SAMD8: variants seen among roughly 807,000 people sequenced by gnomAD.
The protein encoded by SAMD8 is sterile alpha motif domain containing 8.
Under a neutral mutation model 42.0 loss-of-function variants are expected in SAMD8, and 20 were observed. The ratio of observed to expected loss-of-function variants is 0.48; its 90% confidence interval spans 0.34 to 0.69. The LOEUF is 0.69. Among genes scored for constraint, SAMD8 ranks in the 30% least tolerant of loss-of-function variants. SAMD8 has a pLI of 0.01. For synonymous variants in SAMD8, 162 were observed against 173.0 expected (o/e 0.94, Z 0.50); for missense variants, 328 against 511.6 (o/e 0.64, Z 3.46).
intron 2 of SAMD8, among the ~76,000 whole-genome samples, chr10:75,159,494 TGTCA>T (rs1208725068): frequency 6.6e-6 from 1 of 152,230 alleles, no homozygotes; most frequent in East Asian, 1.9e-4. Context: ...TAGCAGATGC[TGTCA>T]GTGTTCCTTC....
At chr10:75,148,395 C>T (rs1840199026) in intron 1 of SAMD8, among the ~76,000 whole-genome samples, 1 of 135,940 alleles carries the variant, frequency 7.4e-6, no homozygotes, top group Non-Finnish European at 1.5e-5. Context: ...GCTCTGTCGC[C>T]CAGGCTGGTG....
intron 1 of SAMD8, among the ~76,000 whole-genome samples, chr10:75,100,572 T>C (rs374697948): frequency 6.6e-6 from 1 of 152,110 alleles, no homozygotes; most frequent in Non-Finnish European, 1.5e-5. Context: ...CCCAGCTGGG[T>C]GAAGCACAGG....
At chr10:75,174,850 C>T (rs1439629882) in intron 4 of SAMD8, among the ~76,000 whole-genome samples, 1 of 151,938 alleles carries the variant, frequency 6.6e-6, no homozygotes, top group Admixed American at 6.6e-5. Flanking sequence ...TTAGGTTTGG[C>T]TATTGATAAC....
intron 1 of SAMD8, among the ~76,000 whole-genome samples, chr10:75,144,789 T>G (rs920572511): frequency 6.6e-6 from 1 of 152,114 alleles, no homozygotes; most frequent in Non-Finnish European, 1.5e-5. Context: ...TCTGAGTAGC[T>G]GGGACTACAA....
chr10:75,114,973 G>GA (rs1413857781), intron 1 of SAMD8, among the ~76,000 whole-genome samples: 4 of 152,104 alleles, frequency 2.6e-5, no homozygotes, highest in African/African-American at 7.2e-5. Context: ...GGTATTTGGT[G>GA]AAAAAATACA....
chr10:75,111,014 C>T (rs1848753674), upstream of SAMD8, among the ~76,000 whole-genome samples: 3 of 152,144 alleles, frequency 2.0e-5, no homozygotes, highest in Admixed American at 2.0e-4. Context: ...CGAGGTTTCC[C>T]CATGCTGGCC....
Position 75,150,895 on chromosome 10 carries a change from AT to A in SAMD8, c.368del (p.Ile123LysfsTer4). On this transcript the variant is annotated frameshift_variant, in exon 2 of 6. Transcript: ENST00000542569. LOFTEE classifies it high-confidence loss of function. The part of the protein sequence containing the change: ...GELSHDCDGP[I>X]TDLNSDQYQY... ...GCTTTCCCATGACTGTGACGGACCC[AT>A]AACTGACTTGAATTCTGATCAGTAC... The A allele has an allele frequency of 2.5e-6, 4 of 1,612,674 alleles. No homozygotes were observed. The highest frequency in any genetic ancestry group is 3.4e-6 in the Non-Finnish European group (4 of 1,179,244).
intron 1 of SAMD8, among the ~76,000 whole-genome samples, chr10:75,101,478 C>A (rs959700921): frequency 1.3e-5 from 2 of 152,118 alleles, no homozygotes; most frequent in African/African-American, 4.8e-5. Context: ...TTTCTCTGTC[C>A]AGCAATAATT....
chr10:75,123,875 A>T (rs75903785), intron 1 of SAMD8, among the ~76,000 whole-genome samples: 5 of 150,958 alleles, frequency 3.3e-5, no homozygotes, highest in Non-Finnish European at 7.4e-5. Flanking sequence ...CTACAGGCAC[A>T]CTCCACCGCG....
intron 1 of SAMD8, chr10:75,105,690 C>T (rs1345290240): frequency 6.5e-7 from 1 of 1,550,036 alleles, no homozygotes; most frequent in South Asian, 1.2e-5. Flanking sequence ...CGGCACCCCG[C>T]AGTTGCTGGT....
chr10:75,114,163 C>G (rs1194111335), intron 1 of SAMD8, among the ~76,000 whole-genome samples: 1 of 151,894 alleles, frequency 6.6e-6, no homozygotes, highest in Non-Finnish European at 1.5e-5. Context: ...TGGCAAAACC[C>G]CATCTCTACT....
chr10:75,138,147 A>G (rs1265555990), intron 1 of SAMD8, among the ~76,000 whole-genome samples: 1 of 152,142 alleles, frequency 6.6e-6, no homozygotes, highest in Non-Finnish European at 1.5e-5. Context: ...TTCACATTTG[A>G]ATCCTAGTAG....
chr10:75,161,258 C>G (rs1213566616), intron 2 of SAMD8, among the ~76,000 whole-genome samples: 2 of 152,142 alleles, frequency 1.3e-5, no homozygotes, highest in Non-Finnish European at 2.9e-5. Flanking sequence ...TTCTAGCTCC[C>G]TTCCTTAAGT....
intron 1 of SAMD8, among the ~76,000 whole-genome samples, chr10:75,113,852 G>A (rs1457849070): frequency 6.6e-6 from 1 of 152,074 alleles, no homozygotes; most frequent in Non-Finnish European, 1.5e-5. Context: ...ACTTAGTTGT[G>A]AATAAAAGTC....
rs1007175171 is a variant in SAMD8, at chr10:75,179,042, A to G, written c.*2350A>G. ...AGACTCCATCTCAAAACGAAACAAA[A>G]CAAAACAAAACAAATTAGAGTGGGT... On this transcript the variant is annotated 3_prime_UTR_variant, in exon 6 of 6. Transcript: ENST00000542569. The G allele has an allele frequency of 5.3e-5, 8 of 152,344 alleles. No individual in the cohort carries two copies. Among genetic ancestry groups the G allele is most frequent in the African/African-American group, 1.9e-4 (8 of 41,290 alleles). The allele number at this position is 152,344 out of a possible 1,614,324, so 9.4% of individuals were successfully genotyped here.
At chr10:75,105,052 C>T (rs1328511372) in intron 1 of SAMD8, among the ~76,000 whole-genome samples, 3 of 152,096 alleles carry the variant, frequency 2.0e-5, no homozygotes, top group Non-Finnish European at 2.9e-5. Context: ...AGGCTTGAGG[C>T]GAGACAGGCA....
At chr10:75,162,234 C>T (rs1840573655) in intron 2 of SAMD8, among the ~76,000 whole-genome samples, 1 of 152,114 alleles carries the variant, frequency 6.6e-6, no homozygotes, top group Non-Finnish European at 1.5e-5. Flanking sequence ...TGGTGGGCAC[C>T]TGTAATCCCA....
chr10:75,132,412 G>A lies in SAMD8; in HGVS notation c.-15-18102G>A, dbSNP rs1035757383. 2.6e-5 allele frequency among the ~76,000 whole-genome samples: 4 copies of A among 152,126 alleles called. No individual in the cohort carries two copies. The East Asian group carries it at 5.8e-4, about 22-fold the overall frequency. On this transcript the variant is annotated intron_variant, in intron 1 of 5. Transcript: ENST00000542569. ...TAGTTTATCCATTAGTACCTTGTGA[G>A]TTTGCTTTTAGTCTCTCTTGGTTTG...
upstream of SAMD8, among the ~76,000 whole-genome samples, chr10:75,110,451 G>A (rs1589925716): frequency 6.6e-6 from 1 of 152,200 alleles, no homozygotes; most frequent in East Asian, 1.9e-4. Flanking sequence ...GCAGTGGGGA[G>A]GTTCCCAGCT....
Sources: gnomAD v4.1 joint callset for allele counts (sites outside exome capture counted in the v4.1 genomes callset) on GRCh38, gnomAD v4.1.1 for gene constraint, MANE v1.5 for transcripts, NCBI Gene and HGNC (gene_info 2026-07-23, HGNC 2026-07-21) for gene names.